Variants in CBFA2T3 observed in about 807,000 individuals in gnomAD.
The protein encoded by CBFA2T3 is CBFA2/RUNX1 partner transcriptional co-repressor 3.
CBFA2T3 carries 31 observed loss-of-function variants against 58.6 expected under a neutral mutation model. That is an observed-to-expected ratio of 0.53 (90% CI 0.40 to 0.71). The LOEUF (loss-of-function observed/expected upper bound fraction) is 0.71, where lower values mean the gene tolerates loss of function less well. Ranked by LOEUF, CBFA2T3 falls within the 30% of genes least tolerant of loss-of-function variation. The pLI, the probability that CBFA2T3 is intolerant of heterozygous loss-of-function variation, is 0.00. For missense variants in CBFA2T3, 1,076 were observed against 963.1 expected (o/e 1.12, Z -1.55); for synonymous variants, 531 against 421.9 (o/e 1.26, Z -3.17).
intron 3 of CBFA2T3, 116 bp from the exon 4 acceptor site, chr16:88,892,601 A>G (rs1969688342): frequency 9.1e-6 from 11 of 1,206,308 alleles, no homozygotes; most frequent in South Asian, 1.2e-5. Flanking sequence ...TGACGGCAAC[A>G]ATGATGAGAC....
intron 1 of CBFA2T3, among the ~76,000 whole-genome samples, chr16:88,933,147 A>C (rs1460470555): frequency 2.6e-5 from 4 of 152,210 alleles, no homozygotes; most frequent in African/African-American, 9.6e-5. Context: ...CTTTCCAGAC[A>C]GGCTTTGCCC....
intron 2 of CBFA2T3, among the ~76,000 whole-genome samples, chr16:88,900,018 G>C (rs1040849906): frequency 9.2e-5 from 14 of 152,200 alleles, no homozygotes; most frequent in African/African-American, 2.9e-4. Flanking sequence ...GTGTGACAAG[G>C]ACATGTGAGA....
At chr16:88,897,142 C>T (rs544518950) in intron 3 of CBFA2T3, among the ~76,000 whole-genome samples, 8 of 152,312 alleles carry the variant, frequency 5.3e-5, no homozygotes, top group African/African-American at 1.2e-4. Context: ...GTGGGGGCTC[C>T]GGGATCTGGG....
chr16:88,924,199 G>C (rs1433447231), intron 1 of CBFA2T3, among the ~76,000 whole-genome samples: 4 of 152,212 alleles, frequency 2.6e-5, no homozygotes, highest in African/African-American at 9.6e-5. Flanking sequence ...CTGCTGGGCT[G>C]AGTCCCAGTG....
chr16:88,906,493 A>C (rs910763996), intron 1 of CBFA2T3, among the ~76,000 whole-genome samples: 1 of 152,180 alleles, frequency 6.6e-6, no homozygotes, highest in Admixed American at 6.5e-5. Context: ...TCATCAAACC[A>C]CTTGGAAAAA....
chr16:88,931,768 C>T (rs1442057023), intron 1 of CBFA2T3, among the ~76,000 whole-genome samples: 2 of 152,066 alleles, frequency 1.3e-5, no homozygotes, highest in Admixed American at 1.3e-4. Flanking sequence ...TGGGTCTGGG[C>T]AGGTTTGGTT....
chr16:88,910,608 C>T (rs1162348287), intron 1 of CBFA2T3, among the ~76,000 whole-genome samples: 1 of 152,202 alleles, frequency 6.6e-6, no homozygotes, highest in Non-Finnish European at 1.5e-5. Flanking sequence ...GTGGGGTGAG[C>T]TGCGGATGGC....
chr16:88,881,888 ACGTG>A (rs1969099129), intron 8 of CBFA2T3, among the ~76,000 whole-genome samples: 1 of 152,160 alleles, frequency 6.6e-6, no homozygotes, highest in Non-Finnish European at 1.5e-5. Flanking sequence ...CCCTCCTGGG[ACGTG>A]CTGCAGGATG....
At chr16:88,903,923 G>A (rs749607352) in intron 1 of CBFA2T3, among the ~76,000 whole-genome samples, 13 of 152,272 alleles carry the variant, frequency 8.5e-5, no homozygotes, top group Non-Finnish European at 1.5e-4. Context: ...TAAAACAGAA[G>A]TGGATGCAGA....
At chr16:88,892,592 G>T in intron 3 of CBFA2T3, 107 bp from the exon 4 acceptor site, 1 of 1,286,304 alleles carries the variant, frequency 7.8e-7, no homozygotes, top group Non-Finnish European at 1.1e-6. Context: ...TGTCAAAAGT[G>T]ACGGCAACAA....
chr16:88,976,915 G>T lies in CBFA2T3; in HGVS notation c.-108C>A. Reference sequence around the variant, plus strand: ...GAGGGAAAGAGGAGGGGCTGGGCCAGCTGGGGCGTCCTGGAGTTGGGCCTC... The same window carrying T: ...GAGGGAAAGAGGAGGGGCTGGGCCATCTGGGGCGTCCTGGAGTTGGGCCTC... On this transcript the variant is annotated 5_prime_UTR_variant, in exon 1 of 12. In the 5' UTR this introduces an upstream ATG that the reference lacks. Transcript: ENST00000268679. 7.3e-7 allele frequency: 1 copy of T among 1,368,254 alleles called. No homozygotes were observed. Among genetic ancestry groups the T allele is most frequent in the Non-Finnish European group, 9.8e-7 (1 of 1,019,772 alleles). The allele number at this position is 1,368,254 out of a possible 1,614,324, so 84.8% of individuals were successfully genotyped here.
intron 1 of CBFA2T3, among the ~76,000 whole-genome samples, chr16:88,921,750 G>A (rs931053652): frequency 1.3e-5 from 2 of 152,232 alleles, no homozygotes; most frequent in African/African-American, 4.8e-5. Flanking sequence ...GTACATCCGC[G>A]GTGCCGGGGG....
intron 1 of CBFA2T3, among the ~76,000 whole-genome samples, chr16:88,966,859 TC>T (rs1252939166): frequency 6.6e-6 from 1 of 152,038 alleles, no homozygotes; most frequent in Non-Finnish European, 1.5e-5. Context: ...GACCAGGCGC[TC>T]ATTTCCCCCA....
At chr16:88,962,079 C>T (rs1972376809) in intron 1 of CBFA2T3, among the ~76,000 whole-genome samples, 1 of 151,476 alleles carries the variant, frequency 6.6e-6, no homozygotes, top group Admixed American at 6.6e-5. Flanking sequence ...ATTCCCACTC[C>T]ATAGTAACCG....
chr16:88,970,483 C>T (rs138181013), intron 1 of CBFA2T3, among the ~76,000 whole-genome samples: 241 of 152,322 alleles, frequency 1.6e-3, no homozygotes, highest in African/African-American at 5.2e-3. Context: ...ACCCCAGCCC[C>T]GCTGTGTGAG....
At chr16:88,930,587 G>C (rs955734346) in intron 1 of CBFA2T3, among the ~76,000 whole-genome samples, 2 of 151,480 alleles carry the variant, frequency 1.3e-5, no homozygotes, top group Admixed American at 6.6e-5. Flanking sequence ...AGACACAAGG[G>C]CCACACGTGG....
At chr16:88,881,670 G>A in intron 8 of CBFA2T3, 181 bp from the exon 9 acceptor site, 1 of 596,276 alleles carries the variant, frequency 1.7e-6, no homozygotes, top group Non-Finnish European at 2.9e-6. Flanking sequence ...CCCTAGCCTG[G>A]GACTGCCGAG....
chr16:88,967,126 G>A (rs1297239416), intron 1 of CBFA2T3, among the ~76,000 whole-genome samples: 1 of 134,022 alleles, frequency 7.5e-6, no homozygotes, highest in Non-Finnish European at 1.7e-5. Context: ...AACCCCCGAG[G>A]TGCCACTCGG....
intron 5 of CBFA2T3, among the ~76,000 whole-genome samples, chr16:88,888,121 C>A (rs1220806368): frequency 2.6e-5 from 4 of 152,024 alleles, no homozygotes; most frequent in African/African-American, 4.8e-5. Context: ...TCCCACCACC[C>A]CGTGAGGGAG....
Sources: allele counts gnomAD v4.1 joint callset (sites outside exome capture counted in the v4.1 genomes callset), GRCh38; gene constraint gnomAD v4.1.1; transcripts MANE v1.5; gene names NCBI Gene and HGNC (gene_info 2026-07-23, HGNC 2026-07-21).